The following AHI1 variants were observed in gnomAD, a reference collection of about 807,000 sequenced individuals.
AHI1 encodes jouberin.
In AHI1, 123 loss-of-function variants were observed where a neutral mutation model predicts 149.3. That is an observed-to-expected ratio of 0.82 (90% CI 0.71 to 0.96). The LOEUF is 0.96. Among genes scored for constraint, AHI1 ranks in the 40% least tolerant of loss-of-function variants. The pLI is 0.00. For missense variants in AHI1, 1,439 were observed against 1,422.7 expected (o/e 1.01, Z -0.18); for synonymous variants, 475 against 459.8 (o/e 1.03, Z -0.42).
At chr6:135,439,228 T>C (rs1441059917) in intron 14 of AHI1, among the ~76,000 whole-genome samples, 1 of 152,220 alleles carries the variant, frequency 6.6e-6, no homozygotes, top group African/African-American at 2.4e-5. Context: ...TCTGAAAATA[T>C]CAAATGGAAA....
chr6:135,323,523 G>GTGGCTAGTGAA, intron 24 of AHI1, 199 bp from the exon 25 acceptor site: 1 of 439,712 alleles, frequency 2.3e-6, no homozygotes. Flanking sequence ...CTGTGGGATT[G>GTGGCTAGTGAA]AGAAATGGTT....
At chr6:135,441,764 T>A (rs914173187) in intron 14 of AHI1, among the ~76,000 whole-genome samples, 2 of 152,176 alleles carry the variant, frequency 1.3e-5, no homozygotes, top group Non-Finnish European at 2.9e-5. Flanking sequence ...TGGTGAATTT[T>A]AAAAATAGCA....
At chr6:135,417,080 T>C (rs141217702) in intron 20 of AHI1, among the ~76,000 whole-genome samples, 39 of 152,204 alleles carry the variant, frequency 2.6e-4, no homozygotes, top group Non-Finnish European at 4.4e-4. Flanking sequence ...AAGTGCTCCA[T>C]GAACTGGAAT....
Position 135,455,719 on chromosome 6 carries a change from C to G in AHI1, c.1344+15G>C, listed in dbSNP as rs755150295. ...TAACTATCGTTTAATTTGAATTGGTCCATTCAATTCATACCTCAAAGAACA... is the reference window on the plus strand; with the variant it reads ...TAACTATCGTTTAATTTGAATTGGTGCATTCAATTCATACCTCAAAGAACA... On this transcript the variant is annotated intron_variant, in intron 10 of 28. Transcript: ENST00000265602. 2 of 1,514,212 alleles carry G rather than the reference C, an allele frequency of 1.3e-6. No homozygotes were observed. Among genetic ancestry groups the G allele is most frequent in the Admixed American group, 1.8e-5 (1 of 54,464 alleles). The allele number at this position is 1,514,212 out of a possible 1,614,324, so 93.8% of individuals were successfully genotyped here. A position where few individuals can be genotyped will look rare whatever the true frequency, so the allele number is the denominator to read the frequency against.
intron 5 of AHI1, among the ~76,000 whole-genome samples, chr6:135,483,437 A>G (rs1458226998): frequency 6.6e-6 from 1 of 152,210 alleles, no homozygotes; most frequent in Middle Eastern, 3.2e-3. Context: ...TAAGATGAAG[A>G]AGCTATCACT....
chr6:135,442,192 A>G (rs970493507), intron 14 of AHI1, among the ~76,000 whole-genome samples: 3 of 152,262 alleles, frequency 2.0e-5, no homozygotes, highest in Non-Finnish European at 4.4e-5. Flanking sequence ...TTGGTATTCC[A>G]CTACACAGCA....
At position 135,431,261 on chromosome 6, in the gene AHI1, A is replaced by C; in HGVS notation, c.2320T>G (p.Tyr774Asp). ...TGTTCCAAATCATTAATCTTGACAT[A>C]GGTATTCCAAACAACAATCACCCCT... ...CTGVIVVWNT[Y>D]VKINDLEHSV... is the part of the protein sequence containing the mutation. Residue 774 changes from tyrosine (Y) to aspartate (D), a missense_variant, in exon 17 of 29, where the codon TAT (tyrosine) becomes GAT (aspartate). By Grantham distance (160) the Tyr-to-Asp change is radical. Coordinates refer to ENST00000265602, the MANE Select transcript of AHI1 (RefSeq NM_001134831.2). 6.2e-7 allele frequency: 1 copy of C among 1,609,390 alleles called. No homozygotes were observed. The highest frequency in any genetic ancestry group is 1.1e-5 in the South Asian group (1 of 90,366).
intron 24 of AHI1, among the ~76,000 whole-genome samples, chr6:135,344,293 C>T (rs909740167): frequency 1.3e-5 from 2 of 150,814 alleles, no homozygotes; most frequent in Non-Finnish European, 3.0e-5. Flanking sequence ...TAGTAAGAGA[C>T]GTGTATCCAG....
intron 25 of AHI1, among the ~76,000 whole-genome samples, chr6:135,319,589 AAT>A (rs560185959): frequency 7.5e-4 from 115 of 152,360 alleles, no homozygotes; most frequent in Admixed American, 1.7e-3. Flanking sequence ...CTTACAATCC[AAT>A]ATTCTATATA....
chr6:135,378,485 A>G (rs1776259232), intron 23 of AHI1, among the ~76,000 whole-genome samples: 1 of 152,212 alleles, frequency 6.6e-6, no homozygotes, highest in Non-Finnish European at 1.5e-5. Flanking sequence ...TTCAAATCGT[A>G]TCGTTTGTGA....
At chr6:135,387,740 C>A in intron 23 of AHI1, 1 of 1,139,646 alleles carries the variant, frequency 8.8e-7, no homozygotes, top group Non-Finnish European at 1.1e-6. Flanking sequence ...ATAAAACAAA[C>A]TGTATAATTT....
intron 23 of AHI1, among the ~76,000 whole-genome samples, chr6:135,386,924 G>C (rs1353012463): frequency 6.6e-6 from 1 of 151,962 alleles, no homozygotes; most frequent in East Asian, 1.9e-4. Flanking sequence ...ACCCCACCTG[G>C]CCTTTTTTCT....
intron 8 of AHI1, among the ~76,000 whole-genome samples, chr6:135,459,397 TAAAAG>T (rs750889148): frequency 2.6e-5 from 4 of 152,010 alleles, no homozygotes; most frequent in Non-Finnish European, 1.5e-5. Flanking sequence ...TAAATGCATA[TAAAAG>T]AAGACTGAAA....
intron 25 of AHI1, among the ~76,000 whole-genome samples, chr6:135,321,865 G>A (rs943054970): frequency 3.3e-5 from 5 of 151,914 alleles, no homozygotes; most frequent in African/African-American, 4.8e-5. Flanking sequence ...GCAGTGGCAC[G>A]ATCTTGGCTC....
At chr6:135,371,995 A>G (rs1244996061) in intron 23 of AHI1, among the ~76,000 whole-genome samples, 1 of 152,230 alleles carries the variant, frequency 6.6e-6, no homozygotes, top group African/African-American at 2.4e-5. Context: ...TTGTAGTACA[A>G]TAAGGGCCTA....
At chr6:135,371,438 C>T (rs1328995881) in intron 23 of AHI1, among the ~76,000 whole-genome samples, 1 of 152,114 alleles carries the variant, frequency 6.6e-6, no homozygotes, top group Non-Finnish European at 1.5e-5. Context: ...TGATATTTTT[C>T]CTTTACCTAG....
chr6:135,424,499 T>C (rs1783667025), intron 20 of AHI1, among the ~76,000 whole-genome samples: 1 of 152,042 alleles, frequency 6.6e-6, no homozygotes, highest in Non-Finnish European at 1.5e-5. Flanking sequence ...TAAAAGTACA[T>C]TATTTGTGGT....
rs149903838 is a variant in AHI1, at chr6:135,371,457, G to T, written c.3110-13270C>A. On this transcript the variant is annotated intron_variant, in intron 23 of 28. Coordinates refer to ENST00000265602, the MANE Select transcript of AHI1 (RefSeq NM_001134831.2). ...ATTTTTCCTTTACCTAGGAAATCAG[G>T]AATTTCACTAGAGTACGGCTGAGTG... 5.9e-5 allele frequency among the ~76,000 whole-genome samples: 9 copies of T among 152,242 alleles called. No homozygotes were observed. The East Asian group carries it at 1.4e-3, about 23-fold the overall frequency.
At chr6:135,383,376 C>T (rs1017120850) in intron 23 of AHI1, among the ~76,000 whole-genome samples, 8 of 151,652 alleles carry the variant, frequency 5.3e-5, no homozygotes, top group Admixed American at 2.0e-4. Context: ...GGACCACAGG[C>T]ATGTGCCACC....
Sources: allele counts gnomAD v4.1 joint callset (sites outside exome capture counted in the v4.1 genomes callset), GRCh38; gene constraint gnomAD v4.1.1; transcripts MANE v1.5; gene names NCBI Gene and HGNC (gene_info 2026-07-23, HGNC 2026-07-21).